PTGS1: variants seen among roughly 807,000 people sequenced by gnomAD.
PTGS1 encodes the protein prostaglandin G/H synthase 1.
Under a neutral mutation model 63.0 loss-of-function variants are expected in PTGS1, and 40 were observed. That is an observed-to-expected ratio of 0.63 (90% CI 0.49 to 0.83). The LOEUF (loss-of-function observed/expected upper bound fraction) is 0.83, where lower values mean the gene tolerates loss of function less well. Ranked by LOEUF, PTGS1 falls within the 40% of genes least tolerant of loss-of-function variation. The probability of loss-of-function intolerance (pLI) is 0.00; values close to 1 mark genes in which losing one functional copy is unlikely to be tolerated. For synonymous variants in PTGS1, 298 were observed against 301.9 expected, an observed-to-expected ratio of 0.99 and a Z score of 0.13; for missense variants, 709 against 786.5, an observed-to-expected ratio of 0.90 and a Z score of 1.18.
At chr9:122,371,580 C>T in intron 2 of PTGS1, 9 of 1,430,188 alleles carry the variant, frequency 6.3e-6, no homozygotes, top group Non-Finnish European at 8.2e-6. Context: ...TCTAAGCAGC[C>T]TCTGCACCCA....
At chr9:122,390,874 G>A (rs1838179650) in intron 10 of PTGS1, among the ~76,000 whole-genome samples, 1 of 152,074 alleles carries the variant, frequency 6.6e-6, no homozygotes, top group African/African-American at 2.4e-5. Context: ...TCCAGCCTGG[G>A]CGACAGAGCG....
chr9:122,378,962 C>A (rs201534713), intron 5 of PTGS1, 44 bp downstream of exon 5: 2 of 1,603,060 alleles, frequency 1.2e-6, no homozygotes, highest in African/African-American at 2.7e-5. Flanking sequence ...ACAGGAGGTG[C>A]TCAGTTCTTC....
chr9:122,388,705 C>T (rs558555779), intron 9 of PTGS1, among the ~76,000 whole-genome samples: 4 of 152,272 alleles, frequency 2.6e-5, no homozygotes, highest in South Asian at 2.1e-4. Context: ...TGGTGGTGGC[C>T]GACAGTCCCT....
rs1313769659 is a variant in PTGS1 at position 122,386,456 on chromosome 9, C to G, written c.1020C>G (p.Ile340Met). The change falls in exon 9 of 11, where the codon ATC becomes ATG. Residue 340 changes from isoleucine to methionine, a missense_variant. Physicochemically the swap from Ile to Met is conservative, Grantham distance 10. Transcript: ENST00000362012. ...TTRLILIGETIKIVIEEYVQQ... is the reference protein window; with the variant it reads ...TTRLILIGETMKIVIEEYVQQ... ...TCCTGCCCTGCCCAGGGGAGACCAT[C>G]AAGATTGTCATCGAGGAGTACGTGC... 6.2e-7 allele frequency: 1 copy of G among 1,614,190 alleles called. No individual in the cohort carries two copies. Among genetic ancestry groups the G allele is most frequent in the Non-Finnish European group, 8.5e-7 (1 of 1,180,030 alleles).
Position 122,390,222 on chromosome 9 carries a change from C to T in PTGS1, c.1321C>T (p.His441Tyr). The change falls in exon 10 of 11, where the codon CAC becomes TAC. Residue 441 changes from histidine (H) to tyrosine (Y), a missense_variant. Transcript: ENST00000362012. ...GRIGGGRNMD[H>Y]HILHVAVDVI... is the part of the protein sequence containing the mutation. ...GATCGGTGGGGGCAGGAACATGGAC[C>T]ACCACATCCTGCATGTGGCTGTGGA... 2 of 1,613,942 alleles carry T rather than the reference C, an allele frequency of 1.2e-6. No homozygotes were observed. The highest frequency in any genetic ancestry group is 1.7e-6 in the Non-Finnish European group (2 of 1,179,924).
rs1838366570 is a variant in PTGS1, at chr9:122,392,755, G to C, written c.*211G>C. 1.9e-6 allele frequency: 1 copy of C among 532,124 alleles called. No homozygotes were observed. Among genetic ancestry groups the C allele is most frequent in the South Asian group, 3.2e-5 (1 of 31,744 alleles). The allele number at this position is 532,124 out of a possible 1,614,324, so 33.0% of individuals were successfully genotyped here. ...TGCTGAACTCCTTGTTAGCCCTTCA[G>C]ATTGTTAGGAGTGGTTCTCATTTGG... On this transcript the variant is annotated 3_prime_UTR_variant, in exon 11 of 11. Transcript: ENST00000362012.
intron 9 of PTGS1, among the ~76,000 whole-genome samples, chr9:122,387,444 G>A (rs1055273920): frequency 2.0e-5 from 3 of 152,134 alleles, no homozygotes; most frequent in East Asian, 3.9e-4. Context: ...AATCCTAACC[G>A]CCAGAACCTT....
chr9:122,394,239 T>A lies in PTGS1; in HGVS notation c.*1695T>A, dbSNP rs1031895142. On this transcript the variant is annotated 3_prime_UTR_variant, in exon 11 of 11. Transcript: ENST00000362012. ...AGAGAGAGAGGACAGAGGGGTAAGA[T>A]GAGGGGTTGAGGGAAGGTTCTTCAT... 6.6e-6 allele frequency: 1 copy of A among 152,116 alleles called. No homozygotes were observed. Among genetic ancestry groups the A allele is most frequent in the African/African-American group, 2.4e-5 (1 of 41,424 alleles). The allele number at this position is 152,116 out of a possible 1,614,324, so 9.4% of individuals were successfully genotyped here.
chr9:122,386,839 T>C (rs1837904805), intron 9 of PTGS1, 107 bp downstream of exon 9: 3 of 1,326,620 alleles, frequency 2.3e-6, no homozygotes, highest in Non-Finnish European at 3.1e-6. Flanking sequence ...ATGTCACTTC[T>C]ACAGGGCAGT....
At chr9:122,384,693 T>C (rs945881730) in intron 8 of PTGS1, among the ~76,000 whole-genome samples, 15 of 152,166 alleles carry the variant, frequency 9.9e-5, no homozygotes, top group African/African-American at 2.7e-4. Flanking sequence ...AGATGGAGAC[T>C]TGAGGTCTGG....
At chr9:122,376,055 A>G (rs914229475) in intron 2 of PTGS1, among the ~76,000 whole-genome samples, 5 of 152,046 alleles carry the variant, frequency 3.3e-5, no homozygotes, top group African/African-American at 1.2e-4. Context: ...TAGCAGGGTG[A>G]CAAGTCCTTT....
At position 122,392,376 on chromosome 9, in the gene PTGS1, G is replaced by A. The variant is rs562053731; in HGVS notation, c.1632G>A (p.Trp544Ter). Residue 544 changes from tryptophan to a stop codon, truncating the protein, a stop_gained, in exon 11 of 11, where the codon TGG (tryptophan) becomes TGA (stop). Coordinates refer to ENST00000362012, the MANE Select transcript of PTGS1 (RefSeq NM_000962.4). LOFTEE classifies it high-confidence loss of function. ...ATCCCATCTGTTCTCCGGAGTACTG[G>A]AAGCCGAGCACATTTGGCGGCGAGG... Reference protein sequence around the residue: ...LGNPICSPEYWKPSTFGGEVG... With the variant: ...LGNPICSPEY 6.2e-7 allele frequency: 1 copy of A among 1,614,152 alleles called. No individual in the cohort carries two copies. Among genetic ancestry groups the A allele is most frequent in the South Asian group, 1.1e-5 (1 of 91,080 alleles).
chr9:122,386,906 A>T (rs1270810738), intron 9 of PTGS1, among the ~76,000 whole-genome samples, 174 bp downstream of exon 9: 2 of 152,048 alleles, frequency 1.3e-5, no homozygotes, highest in African/African-American at 2.4e-5. Context: ...AATACCAGAC[A>T]TTACTCCAGG....
intron 4 of PTGS1, 60 bp downstream of exon 4, chr9:122,378,633 G>T (rs1837330672): frequency 6.2e-7 from 1 of 1,611,884 alleles, no homozygotes. Flanking sequence ...AGTCCTTTTG[G>T]ATTCTTGGCA....
intron 9 of PTGS1, among the ~76,000 whole-genome samples, chr9:122,388,019 G>C (rs1837979908): frequency 6.6e-6 from 1 of 152,168 alleles, no homozygotes; most frequent in East Asian, 1.9e-4. Flanking sequence ...TGGCCTCTTT[G>C]TCGGTTTCTT....
chr9:122,373,895 C>G (rs1357546736), intron 2 of PTGS1, among the ~76,000 whole-genome samples: 1 of 151,968 alleles, frequency 6.6e-6, no homozygotes, highest in Non-Finnish European at 1.5e-5. Context: ...TCCCCAGAGA[C>G]TCTCTAAATA....
Position 122,378,700 on chromosome 9 carries a change from C to A in PTGS1, c.353-75C>A, listed in dbSNP as rs1055002312. 6.9e-6 allele frequency: 11 copies of A among 1,604,042 alleles called. No homozygotes were observed. The South Asian group carries it at 8.9e-5, about 13-fold the overall frequency. ...TGATGCCTGATAAAATAAGCCCCAA[C>A]CCAGGAGGAGGCAAGAACTGGGATG... On this transcript the variant is annotated intron_variant, in intron 4 of 10. Transcript: ENST00000362012.
At chr9:122,382,504 G>A (rs543340129) in intron 7 of PTGS1, among the ~76,000 whole-genome samples, 6 of 152,244 alleles carry the variant, frequency 3.9e-5, no homozygotes, top group South Asian at 2.1e-4. Context: ...CTTGTTCCAC[G>A]CATACTTAAA....
At chr9:122,376,475 G>A (rs532189215) in intron 2 of PTGS1, among the ~76,000 whole-genome samples, 2 of 152,100 alleles carry the variant, frequency 1.3e-5, no homozygotes, top group African/African-American at 4.8e-5. Context: ...AGTGAGGAGT[G>A]AGGAGACTGA....
Sources: allele counts gnomAD v4.1 joint callset (sites outside exome capture counted in the v4.1 genomes callset), GRCh38; gene constraint gnomAD v4.1.1; transcripts MANE v1.5; gene names NCBI Gene and HGNC (gene_info 2026-07-23, HGNC 2026-07-21).